The following USP39 variants were observed in gnomAD, a reference collection of about 807,000 sequenced individuals.
The protein encoded by USP39 is ubiquitin carboxyl-terminal hydrolase 39.
A neutral mutation model predicts 66.4 loss-of-function variants in USP39; 38 were observed. The ratio of observed to expected loss-of-function variants is 0.57; its 90% CI spans 0.44 to 0.75. The LOEUF is 0.75. Among genes scored for constraint, USP39 ranks in the 30% least tolerant of loss-of-function variants. The pLI, the probability that USP39 is intolerant of heterozygous loss-of-function variation, is 0.00. For missense variants in USP39, 608 were observed against 714.4 expected, an observed-to-expected ratio of 0.85 and a Z score of 1.70; for synonymous variants, 303 against 274.6, an observed-to-expected ratio of 1.10 and a Z score of -1.02.
chr2:85,626,018 GA>G (rs527478382), intron 5 of USP39, among the ~76,000 whole-genome samples: 2 of 141,834 alleles, frequency 1.4e-5, no homozygotes, highest in African/African-American at 2.6e-5. Context: ...TCTGTTTCAA[GA>G]AAAAAAAAAG....
chr2:85,619,367 C>A (rs1054715630), intron 2 of USP39, 78 bp downstream of exon 2: 1 of 1,454,072 alleles, frequency 6.9e-7, no homozygotes, highest in Non-Finnish European at 9.4e-7. Context: ...GTACAGTGAA[C>A]AACACATTGA....
chr2:85,608,962 G>A (rs371091330), upstream of USP39: 12 of 1,614,046 alleles, frequency 7.4e-6, no homozygotes, highest in South Asian at 3.3e-5. Context: ...TGGCTCTGGC[G>A]CTTTGCAATC....
intron 5 of USP39, among the ~76,000 whole-genome samples, chr2:85,629,917 G>A (rs537864929): frequency 1.3e-5 from 2 of 152,138 alleles, no homozygotes; most frequent in East Asian, 1.9e-4. Context: ...AGCCAAGATC[G>A]TGCCACTGCA....
chr2:85,617,244 G>A lies in USP39; in HGVS notation c.268+781G>A, dbSNP rs988468895. On this transcript the variant is annotated intron_variant, in intron 1 of 12. Coordinates refer to ENST00000323701, the MANE Select transcript of USP39 (RefSeq NM_006590.4). ...GCTGGGTTTACAGGCGTGAGCCACC[G>A]TGCACGGCTTTCCTTCAGTTTTTAC... 3.3e-5 allele frequency among the ~76,000 whole-genome samples: 5 copies of A among 151,980 alleles called. 1 individual carries two copies. The South Asian group carries it at 8.3e-4, about 25-fold the overall frequency.
intron 5 of USP39, among the ~76,000 whole-genome samples, chr2:85,630,388 T>C (rs989883748): frequency 6.6e-6 from 1 of 152,226 alleles, no homozygotes; most frequent in African/African-American, 2.4e-5. Context: ...ATTTAAGTAT[T>C]GTCACAGCAT....
intron 1 of USP39, among the ~76,000 whole-genome samples, chr2:85,617,088 C>G (rs145831698): frequency 2.3e-4 from 34 of 150,018 alleles, no homozygotes; most frequent in African/African-American, 7.9e-4. Context: ...ACAAGTGTTA[C>G]TTCCTTCCAT....
chr2:85,607,462 C>T (rs1673258371), upstream of USP39: 1 of 152,222 alleles, frequency 6.6e-6, no homozygotes, highest in Admixed American at 6.5e-5. Context: ...TTAACCTTGA[C>T]CAGCTCTGTA....
chr2:85,619,860 CT>C (rs1371142883), intron 2 of USP39, among the ~76,000 whole-genome samples: 35 of 145,724 alleles, frequency 2.4e-4, no homozygotes, highest in Non-Finnish European at 2.0e-4. Flanking sequence ...TGAGACCCAT[CT>C]TTTTTTTTTT....
At chr2:85,611,990 G>GC (rs1270148081), upstream of USP39, 6 of 1,522,178 alleles carry the variant, frequency 3.9e-6, no homozygotes, top group Non-Finnish European at 4.4e-6. Context: ...TCCATCAGGA[G>GC]CCGGGGACGC....
chr2:85,609,578 CAG>C, upstream of USP39: 2 of 1,614,114 alleles, frequency 1.2e-6, no homozygotes, highest in Non-Finnish European at 1.7e-6. Flanking sequence ...CGTGGGTGGG[CAG>C]AGACATCTGG....
At chr2:85,643,462 C>G (rs1178846457) in intron 10 of USP39, among the ~76,000 whole-genome samples, 1 of 151,770 alleles carries the variant, frequency 6.6e-6, no homozygotes, top group Non-Finnish European at 1.5e-5. Context: ...CCATTGCACT[C>G]CAGTCTGGGC....
chr2:85,637,600 C>T (rs1002927997), intron 8 of USP39, among the ~76,000 whole-genome samples, 164 bp downstream of exon 8: 1 of 152,196 alleles, frequency 6.6e-6, no homozygotes, highest in South Asian at 2.1e-4. Flanking sequence ...CATACTAGTG[C>T]ACTTTTTCAG....
upstream of USP39, chr2:85,612,002 G>A: frequency 6.7e-7 from 1 of 1,498,486 alleles, no homozygotes; most frequent in Non-Finnish European, 8.8e-7. Flanking sequence ...CGGGGACGCA[G>A]AGTCGCCGCC....
chr2:85,636,826 C>T (rs989006057), intron 7 of USP39, among the ~76,000 whole-genome samples: 1 of 152,150 alleles, frequency 6.6e-6, no homozygotes, highest in African/African-American at 2.4e-5. Context: ...ACTGGATGGC[C>T]CTGCCCTCTC....
chr2:85,648,059 A>G (rs1676782759), intron 12 of USP39, 43 bp downstream of exon 12: 1 of 1,606,532 alleles, frequency 6.2e-7, no homozygotes, highest in Non-Finnish European at 8.5e-7. Flanking sequence ...TAGGTGGCGT[A>G]TGGGGCCAGT....
rs1676556616 is a variant in USP39, at chr2:85,645,293, T to A, written c.1563+210T>A. 4 of 528,430 alleles carry A rather than the reference T, an allele frequency of 7.6e-6. No homozygotes were observed. In the South Asian group the frequency reaches 9.5e-5, roughly 13 times the overall value. 32.7% of individuals were successfully genotyped at this position (528,430 alleles called of 1,614,324 possible). The stretch of plus-strand genomic sequence containing the variant: ...CCTTGGGAGCTTTTTTTTTTTTTTT[T>A]TGAGACAGGGTCTCGCTCTGTAGCC... On this transcript the variant is annotated intron_variant, in intron 11 of 12. Transcript: ENST00000323701.
chr2:85,608,998 C>T (rs1673328779), upstream of USP39: 1 of 1,614,238 alleles, frequency 6.2e-7, no homozygotes, highest in Non-Finnish European at 8.5e-7. Flanking sequence ...AACTTGAGGG[C>T]TTCTCGCATG....
intron 5 of USP39, among the ~76,000 whole-genome samples, chr2:85,627,007 A>G (rs1674920647): frequency 6.6e-6 from 1 of 151,784 alleles, no homozygotes; most frequent in African/African-American, 2.4e-5. Flanking sequence ...TCGGCCTCCC[A>G]AAGTGTTGGG....
At chr2:85,614,950 C>T (rs1372842587), upstream of USP39, among the ~76,000 whole-genome samples, 4 of 150,990 alleles carry the variant, frequency 2.6e-5, no homozygotes, top group African/African-American at 4.9e-5. Context: ...TGACATATAC[C>T]GCAAGTCAGA....
Sources: gnomAD v4.1 joint callset for allele counts (sites outside exome capture counted in the v4.1 genomes callset) on GRCh38, gnomAD v4.1.1 for gene constraint, MANE v1.5 for transcripts, NCBI Gene and HGNC (gene_info 2026-07-23, HGNC 2026-07-21) for gene names.